Variants in RYR2 observed in about 807,000 individuals in gnomAD.
RYR2 encodes the protein cardiac muscle ryanodine receptor-calcium release channel.
Under a neutral mutation model 601.1 loss-of-function variants are expected in RYR2, and 227 were observed. The ratio of observed to expected loss-of-function variants is 0.38; its 90% CI spans 0.34 to 0.42. The LOEUF (loss-of-function observed/expected upper bound fraction) is 0.42, where lower values mean the gene tolerates loss of function less well. RYR2 is among the 10% of genes least tolerant of loss of function. The pLI is 1.00. For missense variants in RYR2, 4,646 were observed against 6,156.5 expected, an observed-to-expected ratio of 0.75 and a Z score of 8.21; for synonymous variants, 2,223 against 2,175.1, an observed-to-expected ratio of 1.02 and a Z score of -0.61.
chr1:237,766,088 C>T (rs531236926), intron 84 of RYR2, among the ~76,000 whole-genome samples: 4 of 152,090 alleles, frequency 2.6e-5, no homozygotes, highest in South Asian at 2.1e-4. Context: ...GTACCAAACA[C>T]GGCAGAGAAT....
intron 48 of RYR2, among the ~76,000 whole-genome samples, chr1:237,645,849 G>A (rs1682068034): frequency 6.6e-6 from 1 of 151,156 alleles, no homozygotes; most frequent in African/African-American, 2.4e-5. Flanking sequence ...ACAATCCATT[G>A]GTATTTGTTA....
At chr1:237,314,558 G>T (rs1301480714) in intron 2 of RYR2, among the ~76,000 whole-genome samples, 1 of 152,124 alleles carries the variant, frequency 6.6e-6, no homozygotes, top group Non-Finnish European at 1.5e-5. Context: ...ACAAAGAAAT[G>T]GTTCATTTTA....
chr1:237,306,992 T>C (rs1693941893), intron 2 of RYR2, among the ~76,000 whole-genome samples: 1 of 152,202 alleles, frequency 6.6e-6, no homozygotes, highest in Non-Finnish European at 1.5e-5. Context: ...TTATACTACT[T>C]TCAGTAACTT....
rs556275886 is a variant in RYR2, at chr1:237,777,425, C to A, written c.11776-1241C>A. On this transcript the variant is annotated intron_variant, in intron 87 of 104. Coordinates refer to ENST00000366574, the MANE Select transcript of RYR2 (RefSeq NM_001035.3). ...ATCTCTTCCAATCACTTGTTTCTAG[C>A]ATAAGATCTGAAATGTTTTTATGTG... Among the ~76,000 whole-genome samples, 21 of 152,240 alleles carry A rather than the reference C, an allele frequency of 1.4e-4. 1 individual carries two copies. The East Asian group carries it at 3.7e-3, about 27-fold the overall frequency.
At chr1:237,066,831 C>T (rs188876489) in intron 1 of RYR2, among the ~76,000 whole-genome samples, 6 of 152,048 alleles carry the variant, frequency 3.9e-5, no homozygotes, top group Admixed American at 2.0e-4. Flanking sequence ...TTAGTAGAGA[C>T]GGGGTTTCAC....
chr1:237,818,991 A>G (rs1282245950), intron 100 of RYR2, 45 bp from the exon 101 acceptor site: 2 of 1,552,342 alleles, frequency 1.3e-6, no homozygotes, highest in East Asian at 2.3e-5. Context: ...AGAAAAAAAA[A>G]TGGGTAATGT....
rs183787398 is a variant in RYR2, at chr1:237,473,517, A to G, written c.1708+4330A>G. On this transcript the variant is annotated intron_variant, in intron 17 of 104. Coordinates refer to ENST00000366574, the MANE Select transcript of RYR2 (RefSeq NM_001035.3). ...TTATTAAATTAGATCTGTCCGTCCA[A>G]TAATTCCAGTTAGATTCATACAAAG... Among the ~76,000 whole-genome samples the G allele has an allele frequency of 4.0e-5, 6 of 149,680 alleles. No homozygotes were observed. In the East Asian group the frequency reaches 1.2e-3, roughly 29 times the overall value.
At chr1:237,236,324 C>A (rs922885371) in intron 1 of RYR2, among the ~76,000 whole-genome samples, 1 of 129,212 alleles carries the variant, frequency 7.7e-6, no homozygotes, top group Non-Finnish European at 1.7e-5. Context: ...TTTTTATTTG[C>A]AGTGTTATCA....
intron 1 of RYR2, among the ~76,000 whole-genome samples, chr1:237,212,836 G>T (rs187973365): frequency 6.6e-6 from 1 of 152,018 alleles, no homozygotes; most frequent in East Asian, 1.9e-4. Context: ...GTGCAGTAGC[G>T]TGATCTCGAC....
chr1:237,814,006 C>T (rs1661519500), intron 100 of RYR2, among the ~76,000 whole-genome samples: 1 of 152,202 alleles, frequency 6.6e-6, no homozygotes, highest in Non-Finnish European at 1.5e-5. Context: ...GTCTGTGTAG[C>T]ATTACACACG....
chr1:237,496,221 T>C (rs553313790), intron 19 of RYR2, among the ~76,000 whole-genome samples: 2 of 152,226 alleles, frequency 1.3e-5, no homozygotes, highest in South Asian at 4.1e-4. Flanking sequence ...CTGGGCAACA[T>C]AGCAAGATCT....
chr1:237,725,664 C>G lies in RYR2; in HGVS notation c.10690-609C>G, dbSNP rs565312577. On this transcript the variant is annotated intron_variant, in intron 74 of 104. Coordinates refer to ENST00000366574, the MANE Select transcript of RYR2 (RefSeq NM_001035.3). ...GTGTTCGCCTTTGGATCACATATCT[C>G]ACAGATAACTATTTACTTATCATTG... Among the ~76,000 whole-genome samples the G allele has an allele frequency of 2.4e-4, 36 of 152,178 alleles. No individual in the cohort carries two copies. In the South Asian group the frequency reaches 6.0e-3, roughly 25 times the overall value.
At chr1:237,643,082 G>A (rs993773085) in intron 47 of RYR2, among the ~76,000 whole-genome samples, 1 of 152,176 alleles carries the variant, frequency 6.6e-6, no homozygotes, top group Non-Finnish European at 1.5e-5. Context: ...TATTCTAATG[G>A]ATGAACCAAC....
intron 1 of RYR2, 180 bp from the exon 2 acceptor site, chr1:237,270,317 A>T: frequency 1.1e-6 from 1 of 894,172 alleles, no homozygotes; most frequent in Non-Finnish European, 1.8e-6. Context: ...TTTTGCAAAT[A>T]AAAAGTACGT....
intron 3 of RYR2, among the ~76,000 whole-genome samples, chr1:237,355,162 C>T (rs189859321): frequency 1.2e-4 from 18 of 152,174 alleles, no homozygotes; most frequent in Admixed American, 8.5e-4. Context: ...GTGAAGCAAG[C>T]CACAATTCCC....
At chr1:237,127,715 G>A (rs1163848323) in intron 1 of RYR2, among the ~76,000 whole-genome samples, 1 of 151,362 alleles carries the variant, frequency 6.6e-6, no homozygotes, top group Non-Finnish European at 1.5e-5. Flanking sequence ...CGGGGTCGCG[G>A]CCGGGCAGAG....
chr1:237,256,026 G>T (rs529401215), intron 1 of RYR2, among the ~76,000 whole-genome samples: 4 of 152,176 alleles, frequency 2.6e-5, no homozygotes, highest in African/African-American at 9.6e-5. Flanking sequence ...GTTTGGCTGT[G>T]TCGCCACCCA....
intron 24 of RYR2, among the ~76,000 whole-genome samples, chr1:237,522,053 T>C (rs546434366): frequency 2.0e-5 from 3 of 152,302 alleles, no homozygotes; most frequent in African/African-American, 7.2e-5. Flanking sequence ...ATGTGCCATG[T>C]TGGTGTGCTG....
chr1:237,471,825 C>T (rs1373837663), intron 17 of RYR2, among the ~76,000 whole-genome samples: 1 of 151,096 alleles, frequency 6.6e-6, no homozygotes, highest in African/African-American at 2.5e-5. Context: ...GCCCTGTGCT[C>T]AGAGATAACA....
Sources: gnomAD v4.1 joint callset for allele counts (sites outside exome capture counted in the v4.1 genomes callset) on GRCh38, gnomAD v4.1.1 for gene constraint, MANE v1.5 for transcripts, NCBI Gene and HGNC (gene_info 2026-07-23, HGNC 2026-07-21) for gene names.